Variants in MB21D2 observed in about 807,000 individuals in gnomAD.
The protein encoded by MB21D2 is Mab-21 domain containing 2.
A neutral mutation model predicts 33.3 loss-of-function variants in MB21D2; 9 were observed. The observed-to-expected ratio is 0.27, with a 90% CI of 0.16 to 0.47. The LOEUF (loss-of-function observed/expected upper bound fraction) is 0.47. Ranked by LOEUF, MB21D2 falls within the 20% of genes least tolerant of loss-of-function variation. The pLI, the probability that MB21D2 is intolerant of heterozygous loss-of-function variation, is 0.99. For missense variants in MB21D2, 540 were observed against 624.6 expected (o/e 0.86, Z 1.44); for synonymous variants, 241 against 236.3 (o/e 1.02, Z -0.18).
At chr3:192,853,223 A>G (rs1390009206) in intron 1 of MB21D2, among the ~76,000 whole-genome samples, 1 of 152,118 alleles carries the variant, frequency 6.6e-6, no homozygotes, top group Non-Finnish European at 1.5e-5. Context: ...TCACCCCTCG[A>G]AGGTCTTCTC....
At chr3:192,813,300 ATTTTT>A (rs59125169) in intron 1 of MB21D2, among the ~76,000 whole-genome samples, 5 of 43,078 alleles carry the variant, frequency 1.2e-4, no homozygotes, top group Admixed American at 3.9e-4. Context: ...ACTGCAGTTA[ATTTTT>A]TTTTTTTTTT....
chr3:192,822,975 C>T (rs186706118), intron 1 of MB21D2, among the ~76,000 whole-genome samples: 2 of 152,284 alleles, frequency 1.3e-5, no homozygotes, highest in East Asian at 3.9e-4. Flanking sequence ...CTGGCCATCA[C>T]CCTAATGGCA....
At chr3:192,853,106 TC>T (rs1304127528) in intron 1 of MB21D2, among the ~76,000 whole-genome samples, 1 of 152,148 alleles carries the variant, frequency 6.6e-6, no homozygotes, top group Non-Finnish European at 1.5e-5. Flanking sequence ...ATATTGACTT[TC>T]TGATCCATCT....
intron 1 of MB21D2, among the ~76,000 whole-genome samples, chr3:192,820,405 T>C (rs1250227997): frequency 6.6e-6 from 1 of 152,030 alleles, no homozygotes; most frequent in Non-Finnish European, 1.5e-5. Context: ...CCAAAGGCCT[T>C]TCAAAGTCCA....
intron 1 of MB21D2, among the ~76,000 whole-genome samples, chr3:192,854,001 G>A (rs2108630771): frequency 6.6e-6 from 1 of 152,266 alleles, no homozygotes; most frequent in South Asian, 2.1e-4. Flanking sequence ...CCTCCCCATG[G>A]GCTTCCCTAT....
At chr3:192,873,201 A>T (rs1713349681) in intron 1 of MB21D2, among the ~76,000 whole-genome samples, 1 of 152,156 alleles carries the variant, frequency 6.6e-6, no homozygotes, top group South Asian at 2.1e-4. Context: ...TGGTTGCTGT[A>T]TGCACAATTA....
intron 1 of MB21D2, among the ~76,000 whole-genome samples, chr3:192,874,683 A>G (rs529024030): frequency 6.6e-6 from 1 of 152,112 alleles, no homozygotes; most frequent in Non-Finnish European, 1.5e-5. Flanking sequence ...GCTGACCTCT[A>G]TGGACTGCAT....
At chr3:192,898,063 A>T (rs1443857349) in intron 1 of MB21D2, among the ~76,000 whole-genome samples, 2 of 152,172 alleles carry the variant, frequency 1.3e-5, no homozygotes, top group African/African-American at 4.8e-5. Context: ...ATTATCTCTC[A>T]TGCAAATATA....
intron 1 of MB21D2, among the ~76,000 whole-genome samples, chr3:192,828,884 C>T (rs1008806352): frequency 4.0e-5 from 6 of 151,456 alleles, no homozygotes; most frequent in East Asian, 2.0e-4. Flanking sequence ...CTCCTGACCT[C>T]GTGATCCACC....
chr3:192,838,272 A>C (rs1712483812), intron 1 of MB21D2, among the ~76,000 whole-genome samples: 2 of 152,332 alleles, frequency 1.3e-5, no homozygotes, highest in South Asian at 4.1e-4. Flanking sequence ...TCCAAGAGAG[A>C]GCAAGGAGGA....
intron 1 of MB21D2, among the ~76,000 whole-genome samples, chr3:192,907,624 T>C (rs866059153): frequency 6.6e-6 from 1 of 152,276 alleles, no homozygotes; most frequent in Middle Eastern, 3.4e-3. Context: ...ACAACCTTTC[T>C]CAAAGGCCTG....
At chr3:192,856,720 T>C (rs1447830336) in intron 1 of MB21D2, among the ~76,000 whole-genome samples, 1 of 152,102 alleles carries the variant, frequency 6.6e-6, no homozygotes, top group Non-Finnish European at 1.5e-5. Context: ...GCCCAGCTAA[T>C]TTTTTTATTT....
At chr3:192,810,123 C>A (rs1157830368) in intron 1 of MB21D2, among the ~76,000 whole-genome samples, 1 of 152,176 alleles carries the variant, frequency 6.6e-6, no homozygotes, top group Admixed American at 6.5e-5. Context: ...GGAAGAAAGT[C>A]TTTTCCCTTT....
chr3:192,837,313 T>G (rs1277636287), intron 1 of MB21D2, among the ~76,000 whole-genome samples: 1 of 152,120 alleles, frequency 6.6e-6, no homozygotes, highest in Non-Finnish European at 1.5e-5. Context: ...AACATGCCTA[T>G]TGTTAAGAGT....
intron 1 of MB21D2, among the ~76,000 whole-genome samples, chr3:192,892,390 G>A (rs953511577): frequency 2.0e-5 from 3 of 152,192 alleles, no homozygotes; most frequent in African/African-American, 7.2e-5. Context: ...GCAAATACAT[G>A]CTACAGAGAA....
intron 1 of MB21D2, among the ~76,000 whole-genome samples, chr3:192,881,750 T>A (rs1203693642): frequency 6.6e-6 from 1 of 152,122 alleles, no homozygotes; most frequent in Non-Finnish European, 1.5e-5. Flanking sequence ...AGAGGGCCCA[T>A]CAGGTCAGAT....
intron 1 of MB21D2, among the ~76,000 whole-genome samples, chr3:192,827,376 G>C (rs1484158524): frequency 6.6e-6 from 1 of 152,002 alleles, no homozygotes; most frequent in East Asian, 1.9e-4. Context: ...TATAATCACT[G>C]GCAGATTGTG....
At chr3:192,828,636 ATATATATATATATATATATATATATATT>A (rs1712241488) in intron 1 of MB21D2, among the ~76,000 whole-genome samples, 1 of 35,522 alleles carries the variant, frequency 2.8e-5, no homozygotes, top group Non-Finnish European at 4.8e-5. Context: ...ATATATATAT[ATATATATATATATATATATATATATATT>A]TTGAGACGGA....
Position 192,904,822 on chromosome 3 carries a change from C to T in MB21D2, c.211+12808G>A, listed in dbSNP as rs79199074. 3.5e-4 allele frequency among the ~76,000 whole-genome samples: 54 copies of T among 152,366 alleles called. 1 individual carries two copies. In the East Asian group the frequency reaches 8.9e-3, roughly 25 times the overall value. ...GCCTTCCTGGCATCCCTGACTCATA[C>T]TGAGGAGTCGGCATTTACTGAGCCA... On this transcript the variant is annotated intron_variant, in intron 1 of 1. Transcript: ENST00000392452.
Sources: gnomAD v4.1 joint callset for allele counts (sites outside exome capture counted in the v4.1 genomes callset) on GRCh38, gnomAD v4.1.1 for gene constraint, MANE v1.5 for transcripts, NCBI Gene and HGNC (gene_info 2026-07-23, HGNC 2026-07-21) for gene names.